The following DCDC1 variants were observed in gnomAD, a reference collection of about 807,000 sequenced individuals.
The protein encoded by DCDC1 is doublecortin domain containing 1.
In DCDC1, 200 loss-of-function variants were observed where a neutral mutation model predicts 178.3. That is an observed-to-expected ratio of 1.12 (90% CI 1.00 to 1.26). The LOEUF is 1.26. Ranked by LOEUF, DCDC1 falls within the 50% of genes most tolerant of loss-of-function variation. The probability of loss-of-function intolerance (pLI) is 0.00; values close to 1 mark genes in which losing one functional copy is unlikely to be tolerated. For missense variants in DCDC1, 1,983 were observed against 1,749.2 expected (o/e 1.13, Z -2.38); for synonymous variants, 690 against 604.8 (o/e 1.14, Z -2.07).
chr11:30,952,451 A>G lies in DCDC1; in HGVS notation c.2709T>C (p.Leu903=). The G allele has an allele frequency of 6.4e-7, 1 of 1,566,352 alleles. No homozygotes were observed. ...YMWPVLPSGQ[L]NEEFDWPIQG... Reference sequence around the variant, plus strand: ...TTAAGCTAAGCAACACAACCTCATTAAGTTGGCCACTGGGAAGGACAGGCC... The same window carrying G: ...TTAAGCTAAGCAACACAACCTCATTGAGTTGGCCACTGGGAAGGACAGGCC... The change falls in exon 21 of 39, where the codon CTT becomes CTC. Residue 903 remains leucine, a synonymous_variant. Coordinates refer to ENST00000684477, the MANE Select transcript of DCDC1 (RefSeq NM_001387274.1).
At chr11:31,171,220 A>G (rs1967192825) in intron 9 of DCDC1, among the ~76,000 whole-genome samples, 1 of 152,188 alleles carries the variant, frequency 6.6e-6, no homozygotes, top group Non-Finnish European at 1.5e-5. Flanking sequence ...CTGGAACAGG[A>G]GAAGCTAGAC....
In DCDC1 at chr11:30,952,496, C is replaced by T; in HGVS notation, c.2664G>A (p.Trp888Ter). ...CAGGCCACATGTAGGTAAGCTTGTT[C>T]CATAGAGGATTTTCAACTCTAGAAT... is the stretch of plus-strand genomic sequence containing the variant. ...WKHSRVENPL[W>*]NKLTYMWPVL... The change falls in exon 21 of 39, where the codon TGG becomes TGA. Residue 888 changes from tryptophan (W) to a stop codon, truncating the protein, a stop_gained. Coordinates refer to ENST00000684477, the MANE Select transcript of DCDC1 (RefSeq NM_001387274.1). LOFTEE classifies it high-confidence loss of function. 2.5e-6 allele frequency: 4 copies of T among 1,586,604 alleles called. No homozygotes were observed. Among genetic ancestry groups the T allele is most frequent in the Non-Finnish European group, 3.4e-6 (4 of 1,171,094 alleles).
rs571906379 is a variant in DCDC1, at chr11:31,093,729, G to A, written c.2118+321C>T. 2.8e-4 allele frequency among the ~76,000 whole-genome samples: 42 copies of A among 152,286 alleles called. 1 individual carries two copies. The highest frequency in any genetic ancestry group is 2.5e-3 in the South Asian group (12 of 4,828). On this transcript the variant is annotated intron_variant, in intron 16 of 38. Coordinates refer to ENST00000684477, the MANE Select transcript of DCDC1 (RefSeq NM_001387274.1). ...GGGTAAAACTCAAAATGAAGATCTA[G>A]GAGTAGAAGCACATTCAGACAAATC... is the stretch of plus-strand genomic sequence containing the variant.
At chr11:31,052,394 C>T (rs191217300) in intron 20 of DCDC1, among the ~76,000 whole-genome samples, 1 of 152,230 alleles carries the variant, frequency 6.6e-6, no homozygotes, top group East Asian at 1.9e-4. Flanking sequence ...GACCACAACA[C>T]AATAATAGTG....
At chr11:31,298,004 C>G (rs2616798) in intron 6 of DCDC1, among the ~76,000 whole-genome samples, 1 of 152,062 alleles carries the variant, frequency 6.6e-6, no homozygotes, top group East Asian at 1.9e-4. Context: ...TCAGGACCTC[C>G]TGAGGCTGTC....
At chr11:31,347,036 C>A (rs1233906335) in intron 1 of DCDC1, among the ~76,000 whole-genome samples, 1 of 152,102 alleles carries the variant, frequency 6.6e-6, no homozygotes. Context: ...TTAAAATGTA[C>A]AGGAGAGTAT....
At chr11:31,294,553 A>T (rs1396801854) in intron 6 of DCDC1, among the ~76,000 whole-genome samples, 1 of 139,704 alleles carries the variant, frequency 7.2e-6, no homozygotes, top group Admixed American at 7.3e-5. Flanking sequence ...ACTGCACTCC[A>T]GCCTGGGCAA....
chr11:31,307,431 C>CA, intron 4 of DCDC1: 1 of 562,512 alleles, frequency 1.8e-6, no homozygotes, highest in South Asian at 3.0e-5. Flanking sequence ...TCTGATTGCC[C>CA]GGGTTGAAGT....
At chr11:30,960,455 A>T (rs1949030631) in intron 20 of DCDC1, among the ~76,000 whole-genome samples, 1 of 152,168 alleles carries the variant, frequency 6.6e-6, no homozygotes, top group South Asian at 2.1e-4. Context: ...ATAAATGAAA[A>T]GCTGACAGAC....
rs762439739 is a variant in DCDC1, at chr11:31,127,591, C to G, written c.1363G>C (p.Gly455Arg). 1.4e-6 allele frequency: 1 copy of G among 702,598 alleles called. No homozygotes were observed. The highest frequency in any genetic ancestry group is 1.5e-5 in the South Asian group (1 of 67,582). The allele number at this position is 702,598 out of a possible 1,614,324, so 43.5% of individuals were successfully genotyped here. Residue 455 changes from glycine to arginine, a missense_variant, in exon 11 of 39, where the codon GGT becomes CGT. Coordinates refer to ENST00000684477, the MANE Select transcript of DCDC1 (RefSeq NM_001387274.1). ...TGGGGGCCAAGTTTACAGAGATGAC[C>G]TATGTTACTTTTGATAGCTGTCTGC... The part of the protein sequence containing the change: ...ELQTAIKSNI[G>R]HLCKLGPQLQ...
At chr11:31,287,021 G>C (rs1485992452) in intron 7 of DCDC1, among the ~76,000 whole-genome samples, 1 of 151,978 alleles carries the variant, frequency 6.6e-6, no homozygotes, top group African/African-American at 2.4e-5. Flanking sequence ...CCCAACCCCA[G>C]TGAAAAATCC....
At chr11:31,220,473 T>C (rs145175154) in intron 9 of DCDC1, among the ~76,000 whole-genome samples, 1 of 152,282 alleles carries the variant, frequency 6.6e-6, no homozygotes, top group East Asian at 1.9e-4. Flanking sequence ...TCCAAAATGG[T>C]TTTGAGCAAG....
chr11:31,002,449 C>T (rs1427736247), intron 20 of DCDC1, among the ~76,000 whole-genome samples: 1 of 152,002 alleles, frequency 6.6e-6, no homozygotes, highest in Non-Finnish European at 1.5e-5. Flanking sequence ...TTTTAGAAGT[C>T]AAGAAAGAGC....
chr11:31,071,200 ATAAAT>A (rs1336898398), intron 18 of DCDC1, among the ~76,000 whole-genome samples: 1 of 152,174 alleles, frequency 6.6e-6, no homozygotes, highest in Non-Finnish European at 1.5e-5. Flanking sequence ...CTTAATCATC[ATAAAT>A]TATTCTCCAT....
At chr11:31,326,298 C>T (rs1949640475) in intron 3 of DCDC1, among the ~76,000 whole-genome samples, 2 of 151,916 alleles carry the variant, frequency 1.3e-5, no homozygotes, top group South Asian at 4.1e-4. Flanking sequence ...GTTAAACCGA[C>T]TAACAATCAA....
chr11:31,103,631 C>T lies in DCDC1; in HGVS notation c.1877+13G>A, dbSNP rs1958646820. The T allele has an allele frequency of 1.3e-6, 1 of 755,752 alleles. No individual in the cohort carries two copies. The highest frequency in any genetic ancestry group is 2.4e-5 in the East Asian group (1 of 40,910). 46.8% of individuals were successfully genotyped at this position (755,752 alleles called of 1,614,324 possible). A position where few individuals can be genotyped will look rare whatever the true frequency, so the allele number is the denominator to read the frequency against. On this transcript the variant is annotated intron_variant, in intron 14 of 38. Coordinates refer to ENST00000684477, the MANE Select transcript of DCDC1 (RefSeq NM_001387274.1). The stretch of plus-strand genomic sequence containing the variant: ...TTTAACCACATCTTTAACAAGATTA[C>T]TTGTTAATTTACTTGCCACATCCAG...
chr11:31,101,677 T>C (rs1402137199), intron 15 of DCDC1, among the ~76,000 whole-genome samples: 2 of 152,192 alleles, frequency 1.3e-5, no homozygotes. Flanking sequence ...TGTTTTCCGT[T>C]TTGAAGTGCC....
rs574800104 is a variant in DCDC1 at position 30,898,096 on chromosome 11, C to T, written c.4765+1445G>A. Among the ~76,000 whole-genome samples the T allele has an allele frequency of 2.0e-5, 3 of 152,134 alleles. No individual in the cohort carries two copies. The South Asian group carries it at 6.2e-4, about 32-fold the overall frequency. On this transcript the variant is annotated intron_variant, in intron 34 of 38. Coordinates refer to ENST00000684477, the MANE Select transcript of DCDC1 (RefSeq NM_001387274.1). ...GTATGTCTGGGGAGCTAAAAGAAAG[C>T]TAAAATGTATGAAGTGTAGTGGGCA...
At chr11:31,116,172 C>T (rs1959925565) in intron 11 of DCDC1, among the ~76,000 whole-genome samples, 1 of 151,910 alleles carries the variant, frequency 6.6e-6, no homozygotes, top group Non-Finnish European at 1.5e-5. Context: ...GGCACATCTA[C>T]TCATAAGGGG....
Sources: allele counts gnomAD v4.1 joint callset (sites outside exome capture counted in the v4.1 genomes callset), GRCh38; gene constraint gnomAD v4.1.1; transcripts MANE v1.5; gene names NCBI Gene and HGNC (gene_info 2026-07-23, HGNC 2026-07-21).